Variants in FMN2 observed in about 807,000 individuals in gnomAD.
The protein encoded by FMN2 is formin-2.
A neutral mutation model predicts 142.3 loss-of-function variants in FMN2; 51 were observed. That is an observed-to-expected ratio of 0.36 (90% CI 0.29 to 0.45). The LOEUF (loss-of-function observed/expected upper bound fraction) is 0.45. Ranked by LOEUF, FMN2 falls within the 20% of genes least tolerant of loss-of-function variation. The pLI, the probability that FMN2 is intolerant of heterozygous loss-of-function variation, is 1.00. For synonymous variants in FMN2, 882 were observed against 869.8 expected (o/e 1.01, Z -0.25); for missense variants, 1,936 against 2,122.8 (o/e 0.91, Z 1.73).
Position 240,208,137 on chromosome 1 carries a change from C to T in FMN2, c.3325C>T (p.Pro1109Ser). 2 of 1,263,218 alleles carry T rather than the reference C, an allele frequency of 1.6e-6. No homozygotes were observed. The highest frequency in any genetic ancestry group is 2.2e-6 in the Non-Finnish European group (2 of 901,742). 78.3% of individuals were successfully genotyped at this position (1,263,218 alleles called of 1,614,324 possible). ...CCCTCTACCCGGAGTGGGCATACCT[C>T]CTCCGCCCCCTCTACCCGGAGCGGG... ...PPPLPGVGIP[P>S]PPPLPGAGIP... Residue 1109 changes from proline to serine, a missense_variant, in exon 5 of 18, where the codon CCT becomes TCT. Pro to Ser is a moderately conservative substitution (Grantham distance 74, BLOSUM62 -1). Coordinates refer to ENST00000319653, the MANE Select transcript of FMN2 (RefSeq NM_020066.5).
intron 14 of FMN2, among the ~76,000 whole-genome samples, chr1:240,372,301 A>G (rs904764604): frequency 2.0e-5 from 3 of 152,204 alleles, no homozygotes; most frequent in Non-Finnish European, 4.4e-5. Flanking sequence ...ATCATGTGCC[A>G]AATCTGACAG....
In FMN2 at chr1:240,472,467, A is replaced by C; in HGVS notation, c.5142+14A>C. 6.5e-7 allele frequency: 1 copy of C among 1,529,840 alleles called. No individual in the cohort carries two copies. The allele number at this position is 1,529,840 out of a possible 1,614,324, so 94.8% of individuals were successfully genotyped here. On this transcript the variant is annotated intron_variant, in intron 17 of 17. Coordinates refer to ENST00000319653, the MANE Select transcript of FMN2 (RefSeq NM_020066.5). ...GACTCTGGAATTGTAAGTATTACTGATTTTTAACTTGTTATTTTCTTTGGC... is the reference window on the plus strand; with the variant it reads ...GACTCTGGAATTGTAAGTATTACTGCTTTTTAACTTGTTATTTTCTTTGGC...
intron 15 of FMN2, among the ~76,000 whole-genome samples, chr1:240,415,203 G>A (rs531510498): frequency 6.6e-6 from 1 of 152,284 alleles, no homozygotes; most frequent in East Asian, 1.9e-4. Context: ...ATACTATGCA[G>A]CCATAAAAAG....
intron 7 of FMN2, among the ~76,000 whole-genome samples, chr1:240,266,874 C>G (rs1452573453): frequency 6.6e-6 from 1 of 151,982 alleles, no homozygotes; most frequent in Admixed American, 6.6e-5. Context: ...ATAAATGGTG[C>G]TAGATGGCCA....
rs545053481 is a variant in FMN2 at position 240,143,413 on chromosome 1, A to G, written c.1782+20068A>G. ...AATCTCCCCCACAGCAATAAGGGCA[A>G]TCCCCAGAACAGCCACTCCCTGATG... On this transcript the variant is annotated intron_variant, in intron 2 of 17. Transcript: ENST00000319653. 5.7e-4 allele frequency: 814 copies of G among 1,428,194 alleles called. 4 individuals carry two copies. The African/African-American group carries it at 9.4e-3, about 17-fold the overall frequency. 88.5% of individuals were successfully genotyped at this position (1,428,194 alleles called of 1,614,324 possible). A position where few individuals can be genotyped will look rare whatever the true frequency, so the allele number is the denominator to read the frequency against.
At chr1:240,103,825 C>T (rs1244183334) in intron 1 of FMN2, among the ~76,000 whole-genome samples, 2 of 152,096 alleles carry the variant, frequency 1.3e-5, no homozygotes, top group Admixed American at 1.3e-4. Context: ...CACCCTGAGG[C>T]TATTGAGTTT....
At chr1:240,227,844 A>C (rs575137670) in intron 6 of FMN2, among the ~76,000 whole-genome samples, 86 of 152,270 alleles carry the variant, frequency 5.6e-4, no homozygotes, top group African/African-American at 2.0e-3. Context: ...AAAGTTAACA[A>C]TTTTGAATCT....
chr1:240,220,378 A>G (rs955679906), intron 6 of FMN2, among the ~76,000 whole-genome samples: 2 of 152,074 alleles, frequency 1.3e-5, no homozygotes, highest in Non-Finnish European at 2.9e-5. Context: ...TATGGCTATG[A>G]TTTTGGTCTG....
chr1:240,284,758 A>G (rs1421867028), intron 7 of FMN2, among the ~76,000 whole-genome samples: 1 of 152,254 alleles, frequency 6.6e-6, no homozygotes, highest in Middle Eastern at 3.4e-3. Context: ...GTCCTTAAAA[A>G]CGTAAAAACT....
At chr1:240,243,252 A>C (rs1667972097) in intron 6 of FMN2, among the ~76,000 whole-genome samples, 1 of 152,226 alleles carries the variant, frequency 6.6e-6, no homozygotes, top group Admixed American at 6.5e-5. Flanking sequence ...TTTTCATGAA[A>C]TAGTATCAGA....
intron 8 of FMN2, among the ~76,000 whole-genome samples, chr1:240,309,376 G>A (rs920669284): frequency 6.6e-6 from 1 of 152,138 alleles, no homozygotes; most frequent in African/African-American, 2.4e-5. Flanking sequence ...GCAGGAGTTA[G>A]GATGCTACAG....
In FMN2 at chr1:240,123,371, C is replaced by T. The variant is rs745413665; in HGVS notation, c.1782+26C>T. The T allele has an allele frequency of 1.4e-5, 22 of 1,599,982 alleles. No homozygotes were observed. The South Asian group carries it at 1.6e-4, about 11-fold the overall frequency. ...GTAAGTAGGAGAATTCACTTCTGTC[C>T]GTGAGGCAGATTTGCTGTGGAAATA... On this transcript the variant is annotated intron_variant, in intron 2 of 17. Coordinates refer to ENST00000319653, the MANE Select transcript of FMN2 (RefSeq NM_020066.5).
At chr1:240,175,448 G>C (rs1664876319) in intron 2 of FMN2, among the ~76,000 whole-genome samples, 1 of 152,130 alleles carries the variant, frequency 6.6e-6, no homozygotes, top group Admixed American at 6.6e-5. Context: ...ATCACTAATA[G>C]TACACAATGC....
In FMN2 at chr1:240,142,917, C is replaced by T. The variant is rs370323275; in HGVS notation, c.1782+19572C>T. 2.2e-3 allele frequency: 3,550 copies of T among 1,605,602 alleles called. 46 individuals are homozygous for T. In the South Asian group the frequency reaches 0.024, roughly 11 times the overall value. Reference sequence around the variant, plus strand: ...ATCAAACGTAACCAGCATTCGGGGCCGCATGGCAGCCACCAGCCCATACAA... The same window carrying T: ...ATCAAACGTAACCAGCATTCGGGGCTGCATGGCAGCCACCAGCCCATACAA... On this transcript the variant is annotated intron_variant, in intron 2 of 17. Transcript: ENST00000319653.
Position 240,208,384 on chromosome 1 carries a change from C to G in FMN2, c.3572C>G (p.Pro1191Arg). Residue 1191 changes from proline to arginine, a missense_variant, in exon 5 of 18, where the codon CCT becomes CGT. By Grantham distance (103) the Pro-to-Arg change is moderately radical. This residue lies in a region of FMN2 where 259 missense variants were observed against 230.9 expected (regional missense o/e 1.12). Transcript: ENST00000319653. ...GVGIPPPPPL[P>R]GVGIPPPPPL... is the part of the protein sequence containing the mutation. ...GGAATACCTCCTCCGCCCCCTCTAC[C>G]TGGAGTGGGAATACCTCCTCCGCCC... is the stretch of plus-strand genomic sequence containing the variant. 6.3e-7 allele frequency: 1 copy of G among 1,589,030 alleles called. No homozygotes were observed. Among genetic ancestry groups the G allele is most frequent in the African/African-American group, 1.4e-5 (1 of 71,880 alleles).
chr1:240,360,246 T>G (rs1426384402), intron 14 of FMN2, among the ~76,000 whole-genome samples: 2 of 152,258 alleles, frequency 1.3e-5, no homozygotes, highest in African/African-American at 4.8e-5. Context: ...ATGACTCTAA[T>G]GATAACCTCA....
At chr1:240,448,086 G>A (rs920540418) in intron 16 of FMN2, among the ~76,000 whole-genome samples, 2 of 152,080 alleles carry the variant, frequency 1.3e-5, no homozygotes, top group South Asian at 2.1e-4. Context: ...CCCTGTACCC[G>A]AGTAATTTTG....
chr1:240,270,224 G>A (rs1272026310), intron 7 of FMN2, among the ~76,000 whole-genome samples: 1 of 152,050 alleles, frequency 6.6e-6, no homozygotes, highest in Non-Finnish European at 1.5e-5. Flanking sequence ...AATTTGTTGG[G>A]AGTTTTTATC....
intron 2 of FMN2, among the ~76,000 whole-genome samples, chr1:240,130,182 C>T (rs182556042): frequency 8.4e-4 from 128 of 152,320 alleles, no homozygotes; most frequent in African/African-American, 3.0e-3. Flanking sequence ...GTGAATATTG[C>T]ACTGCAGAGG....
Sources: gnomAD v4.1 joint callset for allele counts (sites outside exome capture counted in the v4.1 genomes callset) on GRCh38, gnomAD v4.1.1 for gene constraint, gnomAD v4.1.1 regional missense constraint, MANE v1.5 for transcripts, NCBI Gene and HGNC (gene_info 2026-07-23, HGNC 2026-07-21) for gene names.